The following OPRM1 variants were observed in gnomAD, a reference collection of about 807,000 sequenced individuals.
OPRM1 encodes opioid receptor mu 1.
A neutral mutation model predicts 31.8 loss-of-function variants in OPRM1; 27 were observed. That is an observed-to-expected ratio of 0.85 (90% CI 0.63 to 1.17). OPRM1 has a LOEUF of 1.17. OPRM1 is among the 50% of genes most tolerant of loss of function. The pLI is 0.00. For missense variants in OPRM1, 536 were observed against 511.1 expected, an observed-to-expected ratio of 1.05 and a Z score of -0.47; for synonymous variants, 196 against 189.9, an observed-to-expected ratio of 1.03 and a Z score of -0.26.
chr6:154,118,146 T>G (rs761026732), intron 3 of OPRM1, among the ~76,000 whole-genome samples: 6 of 152,170 alleles, frequency 3.9e-5, no homozygotes, highest in Admixed American at 6.5e-5. Context: ...CAAATGTTAT[T>G]GTTCAACACA....
Position 154,121,262 on chromosome 6 carries a change from CT to C in OPRM1, c.*2543del, listed in dbSNP as rs1227218476. ...TGATCACTTGCTGTGGAAATTCTAG[CT>C]TATTGTGTTCCAAGTAGTTAGTGGT... On this transcript the variant is annotated 3_prime_UTR_variant, in exon 4 of 4. Coordinates refer to ENST00000330432, the MANE Select transcript of OPRM1 (RefSeq NM_000914.5). Among the ~76,000 whole-genome samples, 2 of 152,154 alleles carry C rather than the reference CT, an allele frequency of 1.3e-5. No individual in the cohort carries two copies. The highest frequency in any genetic ancestry group is 4.8e-5 in the African/African-American group (2 of 41,440).
At chr6:154,099,363 G>GAGAGAGAAAGAAAGAGAAAGAA in intron 3 of OPRM1, among the ~76,000 whole-genome samples, 1 of 148,206 alleles carries the variant, frequency 6.7e-6, no homozygotes, top group Non-Finnish European at 1.5e-5. Flanking sequence ...GAGAGAGAGA[G>GAGAGAGAAAGAAAGAGAAAGAA]AGAGAAAGAA....
intron 1 of OPRM1, among the ~76,000 whole-genome samples, chr6:154,025,717 TA>T (rs1778654817): frequency 6.6e-6 from 1 of 152,044 alleles, no homozygotes. Context: ...GGGGTTATGT[TA>T]CCACGAGGCT....
At chr6:154,198,997 AAGTT>A (rs1297534032) in intron 3 of OPRM1, among the ~76,000 whole-genome samples, 3 of 152,254 alleles carry the variant, frequency 2.0e-5, no homozygotes, top group Non-Finnish European at 4.4e-5. Flanking sequence ...TAATAAAAAT[AAGTT>A]AGTCCTGGAT....
chr6:154,180,414 A>ATATAT (rs1241250621), intron 3 of OPRM1, among the ~76,000 whole-genome samples: 275 of 65,172 alleles, frequency 4.2e-3, no homozygotes, highest in African/African-American at 0.012. Context: ...ATATATATAT[A>ATATAT]TTTTTTTTTT....
At chr6:154,086,686 T>C (rs909046599) in intron 1 of OPRM1, 1 of 985,156 alleles carries the variant, frequency 1.0e-6, no homozygotes, top group African/African-American at 1.7e-5. Context: ...GTTGGAAGTA[T>C]GATGAGTCAG....
chr6:154,070,853 G>A (rs1309090982), intron 1 of OPRM1, among the ~76,000 whole-genome samples: 1 of 152,154 alleles, frequency 6.6e-6, no homozygotes, highest in Non-Finnish European at 1.5e-5. Context: ...GCATTTTAAT[G>A]GAGCCAACTT....
Position 154,137,798 on chromosome 6 carries a change from G to A in OPRM1, c.1164+46326G>A, listed in dbSNP as rs930589126. ...ACAGGTAAAATAGAAGTATGAAATC[G>A]AAATCAATGGATAGGACAAGAGGGA... On this transcript the variant is annotated intron_variant, in intron 3 of 3. Transcript: ENST00000337049. Among the ~76,000 whole-genome samples the A allele has an allele frequency of 5.9e-5, 9 of 152,126 alleles. No homozygotes were observed. The East Asian group carries it at 9.6e-4, about 16-fold the overall frequency.
At chr6:154,110,702 C>G (rs964623266) in intron 3 of OPRM1, among the ~76,000 whole-genome samples, 22 of 152,052 alleles carry the variant, frequency 1.4e-4, no homozygotes, top group African/African-American at 5.3e-4. Flanking sequence ...TCCTGGCTAA[C>G]ATGGTGAAAC....
rs1788189345 is a variant in OPRM1 at position 154,077,749 on chromosome 6, T to C, written c.291-12077T>C. 2.0e-5 allele frequency among the ~76,000 whole-genome samples: 3 copies of C among 151,776 alleles called. No homozygotes were observed. The South Asian group carries it at 6.3e-4, about 32-fold the overall frequency. ...CCATCTAAAAAAATAATTAATTAATTAATTAATTAACTAAAACAAAAGAAA... is the reference window on the plus strand; with the variant it reads ...CCATCTAAAAAAATAATTAATTAATCAATTAATTAACTAAAACAAAAGAAA... On this transcript the variant is annotated intron_variant, in intron 1 of 3. Transcript: ENST00000330432.
At chr6:154,204,606 C>T (rs1027603695) in intron 3 of OPRM1, among the ~76,000 whole-genome samples, 3 of 151,938 alleles carry the variant, frequency 2.0e-5, no homozygotes, top group Non-Finnish European at 2.9e-5. Context: ...TGACCTTGGG[C>T]AATGTGCTGA....
At chr6:154,220,105 T>C (rs1778744741) in intron 3 of OPRM1, among the ~76,000 whole-genome samples, 1 of 151,832 alleles carries the variant, frequency 6.6e-6, no homozygotes, top group South Asian at 2.1e-4. Flanking sequence ...GAGAACTACA[T>C]AGGGCAGATA....
chr6:154,199,908 C>T (rs1250756303), intron 3 of OPRM1: 6 of 1,614,066 alleles, frequency 3.7e-6, no homozygotes, highest in African/African-American at 1.3e-5. Flanking sequence ...TTAACTGTGT[C>T]AGGCAAGGAT....
At chr6:154,234,011 C>G (rs575960606) in intron 3 of OPRM1, among the ~76,000 whole-genome samples, 1 of 152,098 alleles carries the variant, frequency 6.6e-6, no homozygotes, top group African/African-American at 2.4e-5. Context: ...GAGTTCAAGA[C>G]CAGCCTGGGC....
chr6:154,175,386 C>CTTT (rs149218711), intron 3 of OPRM1, among the ~76,000 whole-genome samples: 2 of 143,304 alleles, frequency 1.4e-5, no homozygotes, highest in African/African-American at 2.5e-5. Flanking sequence ...AATCCAGGAG[C>CTTT]TTTTTTTTTT....
Position 154,128,393 on chromosome 6 carries a change from C to A in OPRM1, c.*9672C>A, listed in dbSNP as rs2041916433. On this transcript the variant is annotated 3_prime_UTR_variant, in exon 4 of 4. Coordinates refer to ENST00000330432, the MANE Select transcript of OPRM1 (RefSeq NM_000914.5). ...AATCTATGCACCAAATTATTTAGTA[C>A]AATTCCTAATAACAGCTGAAGGACC... 6.6e-6 allele frequency among the ~76,000 whole-genome samples: 1 copy of A among 152,174 alleles called. No homozygotes were observed. The highest frequency in any genetic ancestry group is 1.5e-5 in the Non-Finnish European group (1 of 68,032).
At chr6:154,021,139 A>G (rs1018295242) in intron 1 of OPRM1, among the ~76,000 whole-genome samples, 1 of 152,194 alleles carries the variant, frequency 6.6e-6, no homozygotes, top group Admixed American at 6.5e-5. Flanking sequence ...ATGTTTGTGA[A>G]GAGTTTAAGG....
intron 3 of OPRM1, among the ~76,000 whole-genome samples, chr6:154,193,694 C>T (rs371326268): frequency 2.6e-5 from 4 of 152,044 alleles, no homozygotes; most frequent in African/African-American, 9.7e-5. Flanking sequence ...CCCTCTACAC[C>T]GCTAGACCAC....
intron 3 of OPRM1, chr6:154,157,011 A>G (rs919013151): frequency 3.3e-5 from 5 of 152,216 alleles, no homozygotes; most frequent in African/African-American, 1.2e-4. Flanking sequence ...GCTCACAGAC[A>G]CTGCAGGACT....
Sources: allele counts gnomAD v4.1 joint callset (sites outside exome capture counted in the v4.1 genomes callset), GRCh38; gene constraint gnomAD v4.1.1; transcripts MANE v1.5; gene names NCBI Gene and HGNC (gene_info 2026-07-23, HGNC 2026-07-21).